Variants in DLG2 observed in about 807,000 individuals in gnomAD.
DLG2 encodes disks large homolog 2.
In DLG2, 45 loss-of-function variants were observed where a neutral mutation model predicts 132.5. The ratio of observed to expected loss-of-function variants is 0.34; its 90% CI spans 0.27 to 0.44. DLG2 has a LOEUF of 0.44. DLG2 is among the 20% of genes least tolerant of loss of function. DLG2 has a pLI of 1.00. For synonymous variants in DLG2, 424 were observed against 419.6 expected, an observed-to-expected ratio of 1.01 and a Z score of -0.13; for missense variants, 1,045 against 1,196.9, an observed-to-expected ratio of 0.87 and a Z score of 1.87.
intron 6 of DLG2, among the ~76,000 whole-genome samples, chr11:84,784,647 A>G (rs2153924504): frequency 6.6e-6 from 1 of 152,234 alleles, no homozygotes. Context: ...TTGCTTTTAA[A>G]AATAACTCTA....
intron 6 of DLG2, among the ~76,000 whole-genome samples, chr11:84,994,766 G>A (rs1201986654): frequency 6.6e-6 from 1 of 152,048 alleles, no homozygotes; most frequent in Non-Finnish European, 1.5e-5. Flanking sequence ...AAAAAGGGAG[G>A]CATCCATAGA....
At chr11:84,282,017 A>G (rs1043512574) in intron 7 of DLG2, among the ~76,000 whole-genome samples, 1 of 152,182 alleles carries the variant, frequency 6.6e-6, no homozygotes, top group Non-Finnish European at 1.5e-5. Flanking sequence ...GCTCCTAGGC[A>G]TTTACTGAGG....
At chr11:85,331,038 A>G (rs2081698333) in intron 3 of DLG2, among the ~76,000 whole-genome samples, 1 of 152,190 alleles carries the variant, frequency 6.6e-6, no homozygotes, top group South Asian at 2.1e-4. Flanking sequence ...ATCTGTATTA[A>G]GTTTAAAATA....
chr11:85,114,630 T>C (rs766401919), intron 5 of DLG2, among the ~76,000 whole-genome samples: 1 of 152,030 alleles, frequency 6.6e-6, no homozygotes, highest in African/African-American at 2.4e-5. Flanking sequence ...AAACCTCTCA[T>C]CTTCCTTGGT....
chr11:85,358,865 C>T (rs543899245), intron 3 of DLG2, among the ~76,000 whole-genome samples: 20 of 152,272 alleles, frequency 1.3e-4, no homozygotes, highest in South Asian at 1.0e-3. Flanking sequence ...TTGTTGGCTT[C>T]CTCAGTTTAA....
At chr11:85,506,081 T>A (rs546569040) in intron 3 of DLG2, among the ~76,000 whole-genome samples, 2 of 152,346 alleles carry the variant, frequency 1.3e-5, no homozygotes, top group South Asian at 4.1e-4. Context: ...TTTATCATTT[T>A]TTATTGTGTC....
chr11:85,005,637 C>T lies in DLG2; in HGVS notation c.357+106024G>A, dbSNP rs115727838. ...TTAAAGAGATTTTAGACTGAGGTGA[C>T]GGGGTTTTCTAAATATATAATCATG... On this transcript the variant is annotated intron_variant, in intron 6 of 27. Transcript: ENST00000376104. Among the ~76,000 whole-genome samples, 626 of 152,116 alleles carry T rather than the reference C, an allele frequency of 4.1e-3. 7 individuals carry two copies. The highest frequency in any genetic ancestry group is 0.014 in the African/African-American group (597 of 41,504).
intron 6 of DLG2, among the ~76,000 whole-genome samples, chr11:84,927,947 C>T (rs546211370): frequency 1.6e-4 from 24 of 152,032 alleles, no homozygotes; most frequent in South Asian, 2.1e-4. Context: ...TCTGTGTTAA[C>T]AAGCCCTCCA....
At chr11:84,378,813 C>T (rs898145363) in intron 7 of DLG2, among the ~76,000 whole-genome samples, 5 of 150,120 alleles carry the variant, frequency 3.3e-5, no homozygotes, top group African/African-American at 7.5e-5. Context: ...GGCGTGGTGG[C>T]GCACACTGGT....
At chr11:83,536,131 A>T (rs992293526) in intron 20 of DLG2, among the ~76,000 whole-genome samples, 1 of 152,208 alleles carries the variant, frequency 6.6e-6, no homozygotes, top group South Asian at 2.1e-4. Flanking sequence ...TTCACAAATG[A>T]TAACCAATGT....
At chr11:84,842,582 C>A (rs907204318) in intron 6 of DLG2, among the ~76,000 whole-genome samples, 1 of 151,926 alleles carries the variant, frequency 6.6e-6, no homozygotes, top group African/African-American at 2.4e-5. Context: ...TACACAAATG[C>A]CCCGTCCAGA....
At chr11:84,548,543 G>A (rs2099395261) in intron 6 of DLG2, among the ~76,000 whole-genome samples, 1 of 148,714 alleles carries the variant, frequency 6.7e-6, no homozygotes, top group South Asian at 2.1e-4. Context: ...TTGGTTTTTT[G>A]TCCTTGCGAT....
chr11:84,311,139 T>C (rs933973048), intron 7 of DLG2, among the ~76,000 whole-genome samples: 3 of 152,184 alleles, frequency 2.0e-5, no homozygotes, highest in Non-Finnish European at 4.4e-5. Context: ...TGTGGTACTA[T>C]GCCAAAAGTT....
In DLG2 at chr11:83,851,176, C is replaced by CA. The variant is rs34436884; in HGVS notation, c.1566-17407dup. On this transcript the variant is annotated intron_variant, in intron 16 of 27. Coordinates refer to ENST00000376104, the MANE Select transcript of DLG2 (RefSeq NM_001142699.3). ...TGGGTGACAGAGTGAGACTCCGTCT[C>CA]AAAAAAAAAAAAAAAGAATTTTTGA... Among the ~76,000 whole-genome samples the CA allele has an allele frequency of 4.6e-5, 6 of 130,046 alleles. No individual in the cohort carries two copies. In the South Asian group the frequency reaches 7.3e-4, roughly 16 times the overall value. 85.3% of individuals were successfully genotyped at this position (130,046 alleles called of 152,430 possible). A position where few individuals can be genotyped will look rare whatever the true frequency, so the allele number is the denominator to read the frequency against.
At chr11:83,594,733 A>G (rs968825391) in intron 19 of DLG2, among the ~76,000 whole-genome samples, 2 of 152,204 alleles carry the variant, frequency 1.3e-5, no homozygotes, top group Non-Finnish European at 2.9e-5. Context: ...TTGAGCTGCC[A>G]TGGGAATTGT....
intron 10 of DLG2, among the ~76,000 whole-genome samples, chr11:84,091,544 G>A (rs1049055600): frequency 1.3e-5 from 2 of 152,150 alleles, no homozygotes; most frequent in Non-Finnish European, 2.9e-5. Context: ...TTTTGGGTGT[G>A]ACAGTATTAC....
Position 83,930,357 on chromosome 11 carries a change from T to A in DLG2, c.1467A>T (p.Leu489=). 6.2e-7 allele frequency: 1 copy of A among 1,613,974 alleles called. No individual in the cohort carries two copies. The highest frequency in any genetic ancestry group is 8.5e-7 in the Non-Finnish European group (1 of 1,179,902). Reference sequence around the variant, plus strand: ...TCATCTCAGAGTCAGGTAGCAGGCCTAGGTGGTAGTGGGAATAGGGAGCTG... The same window carrying A: ...TCATCTCAGAGTCAGGTAGCAGGCCAAGGTGGTAGTGGGAATAGGGAGCTG... ...LLSAPYSHYH[L]GLLPDSEMTS... The change falls in exon 15 of 28, where the codon CTA becomes CTT. Residue 489 remains leucine, a synonymous_variant. Transcript: ENST00000376104.
chr11:84,454,133 C>A (rs567532813), intron 7 of DLG2, among the ~76,000 whole-genome samples: 69 of 151,610 alleles, frequency 4.6e-4, no homozygotes, highest in African/African-American at 1.6e-3. Context: ...AGTGTCCCAT[C>A]TGCACAGTCT....
chr11:84,540,579 T>G (rs1443259503), intron 6 of DLG2, among the ~76,000 whole-genome samples: 1 of 152,130 alleles, frequency 6.6e-6, no homozygotes, highest in African/African-American at 2.4e-5. Context: ...AGGAACACTT[T>G]TACACTGTTG....
Sources: allele counts gnomAD v4.1 joint callset (sites outside exome capture counted in the v4.1 genomes callset), GRCh38; gene constraint gnomAD v4.1.1; transcripts MANE v1.5; gene names NCBI Gene and HGNC (gene_info 2026-07-23, HGNC 2026-07-21).